Variants in GRID1 observed in about 807,000 individuals in gnomAD.
GRID1 encodes glutamate receptor ionotropic, delta-1.
A neutral mutation model predicts 98.0 loss-of-function variants in GRID1; 28 were observed. The ratio of observed to expected loss-of-function variants is 0.29; its 90% CI spans 0.21 to 0.39. The LOEUF is 0.39. Ranked by LOEUF, GRID1 falls within the 10% of genes least tolerant of loss-of-function variation. The pLI is 1.00. For missense variants in GRID1, 1,111 were observed against 1,340.5 expected (o/e 0.83, Z 2.67); for synonymous variants, 553 against 538.5 (o/e 1.03, Z -0.37).
chr10:86,271,107 G>T (rs1355217758), intron 2 of GRID1, among the ~76,000 whole-genome samples: 1 of 152,174 alleles, frequency 6.6e-6, no homozygotes, highest in Non-Finnish European at 1.5e-5. Context: ...CAGAGTGTGA[G>T]CAAACGCCCC....
At chr10:85,669,923 A>G (rs922046477) in intron 12 of GRID1, among the ~76,000 whole-genome samples, 5 of 152,222 alleles carry the variant, frequency 3.3e-5, no homozygotes, top group African/African-American at 1.2e-4. Flanking sequence ...ATGCAGCATC[A>G]TATTCTGCTG....
chr10:86,103,015 C>G (rs1844321479), intron 4 of GRID1, among the ~76,000 whole-genome samples: 1 of 152,048 alleles, frequency 6.6e-6, no homozygotes, highest in Non-Finnish European at 1.5e-5. Flanking sequence ...GCTGCTCCTT[C>G]ACCTTCTGCC....
At chr10:85,634,660 T>A (rs933205877) in intron 13 of GRID1, among the ~76,000 whole-genome samples, 1 of 152,160 alleles carries the variant, frequency 6.6e-6, no homozygotes, top group Admixed American at 6.5e-5. Flanking sequence ...ACATATTAAT[T>A]TCTTTGTGAA....
intron 2 of GRID1, among the ~76,000 whole-genome samples, chr10:86,328,004 A>G (rs1848077451): frequency 9.7e-6 from 1 of 103,304 alleles, no homozygotes. Context: ...CTAACTATCT[A>G]TTAAGGGGGG....
chr10:85,773,408 T>A (rs1389223221), intron 8 of GRID1, among the ~76,000 whole-genome samples: 1 of 152,188 alleles, frequency 6.6e-6, no homozygotes, highest in Non-Finnish European at 1.5e-5. Flanking sequence ...CTTTGAAAAC[T>A]GGCACAAGAC....
At chr10:85,981,396 A>G (rs572000378) in intron 4 of GRID1, among the ~76,000 whole-genome samples, 15 of 152,330 alleles carry the variant, frequency 9.8e-5, no homozygotes, top group Admixed American at 9.8e-4. Flanking sequence ...CCTTTGTAGA[A>G]GGGAATCTGG....
chr10:85,993,399 G>T (rs1402437397), intron 4 of GRID1, among the ~76,000 whole-genome samples: 1 of 152,212 alleles, frequency 6.6e-6, no homozygotes, highest in Non-Finnish European at 1.5e-5. Flanking sequence ...AAGCCACAGT[G>T]CAAGGGTCAC....
chr10:85,831,129 A>AT (rs1172250799), intron 8 of GRID1, among the ~76,000 whole-genome samples: 2 of 67,294 alleles, frequency 3.0e-5, no homozygotes, highest in African/African-American at 1.5e-4. Flanking sequence ...ATGTAGCTAT[A>AT]AAAAAAAAAT....
intron 8 of GRID1, among the ~76,000 whole-genome samples, chr10:85,775,391 G>T (rs1438222105): frequency 6.6e-6 from 1 of 151,866 alleles, no homozygotes; most frequent in African/African-American, 2.4e-5. Context: ...ATGAGTTAAT[G>T]GGTGCAGTAC....
At chr10:86,238,561 T>C (rs568577568) in intron 2 of GRID1, among the ~76,000 whole-genome samples, 1 of 151,154 alleles carries the variant, frequency 6.6e-6, no homozygotes, top group South Asian at 2.1e-4. Flanking sequence ...TCCCAGCTAC[T>C]TGGGAGGCTG....
At chr10:86,269,807 G>C (rs1461071053) in intron 2 of GRID1, among the ~76,000 whole-genome samples, 3 of 152,158 alleles carry the variant, frequency 2.0e-5, no homozygotes, top group Non-Finnish European at 4.4e-5. Context: ...TCTAAGATAT[G>C]GGACCCACAT....
intron 4 of GRID1, among the ~76,000 whole-genome samples, chr10:86,001,007 C>A (rs937859860): frequency 2.6e-5 from 4 of 152,022 alleles, no homozygotes; most frequent in South Asian, 2.1e-4. Context: ...TACTACTCTG[C>A]AATTTTTTAA....
At chr10:85,925,545 A>C (rs1214970763) in intron 4 of GRID1, among the ~76,000 whole-genome samples, 2 of 152,192 alleles carry the variant, frequency 1.3e-5, no homozygotes, top group Non-Finnish European at 2.9e-5. Flanking sequence ...TCTGCTGTTC[A>C]GCTCCAGCTT....
intron 3 of GRID1, among the ~76,000 whole-genome samples, chr10:86,193,319 C>T (rs1431260457): frequency 6.6e-6 from 1 of 152,094 alleles, no homozygotes; most frequent in Non-Finnish European, 1.5e-5. Flanking sequence ...TGGTTGTGTG[C>T]CTGGCACAGA....
At chr10:85,732,341 T>C (rs1314134258) in intron 8 of GRID1, among the ~76,000 whole-genome samples, 1 of 152,190 alleles carries the variant, frequency 6.6e-6, no homozygotes, top group African/African-American at 2.4e-5. Flanking sequence ...AATACTCTTA[T>C]CCTGCACCAG....
chr10:86,187,143 G>A (rs1166529512), intron 3 of GRID1, among the ~76,000 whole-genome samples: 2 of 152,154 alleles, frequency 1.3e-5, no homozygotes, highest in Non-Finnish European at 2.9e-5. Context: ...TGGGGGCGGG[G>A]CGGGGCTCAG....
intron 8 of GRID1, among the ~76,000 whole-genome samples, chr10:85,837,988 A>G (rs1472431144): frequency 6.6e-6 from 1 of 152,168 alleles, no homozygotes; most frequent in East Asian, 1.9e-4. Context: ...TATAGAGCTG[A>G]AAAAACACTA....
chr10:86,207,343 C>T lies in GRID1; in HGVS notation c.236-695G>A, dbSNP rs537296434. 3.1e-3 allele frequency among the ~76,000 whole-genome samples: 475 copies of T among 152,276 alleles called. 3 individuals are homozygous for T. The highest frequency in any genetic ancestry group is 3.4e-3 in the Non-Finnish European group (232 of 68,016). ...GCCACTTGACAATAACAAAGAAAGA[C>T]GTTCCCGCCACTCAGGCAGTTACCA... On this transcript the variant is annotated intron_variant, in intron 2 of 15. Coordinates refer to ENST00000327946, the MANE Select transcript of GRID1 (RefSeq NM_017551.3).
intron 8 of GRID1, among the ~76,000 whole-genome samples, chr10:85,746,429 TAC>T (rs1226526843): frequency 2.6e-5 from 4 of 152,176 alleles, no homozygotes; most frequent in African/African-American, 4.8e-5. Flanking sequence ...CTTCCACATT[TAC>T]ATACAAAGCC....
Sources: allele counts gnomAD v4.1 joint callset (sites outside exome capture counted in the v4.1 genomes callset), GRCh38; gene constraint gnomAD v4.1.1; transcripts MANE v1.5; gene names NCBI Gene and HGNC (gene_info 2026-07-23, HGNC 2026-07-21).